DDX60L: variants seen among roughly 807,000 people sequenced by gnomAD.
The protein encoded by DDX60L is DExD/H-box 60 like.
In DDX60L, 191 loss-of-function variants were observed where a neutral mutation model predicts 211.6. That is an observed-to-expected ratio of 0.90 (90% CI 0.80 to 1.02). The LOEUF (loss-of-function observed/expected upper bound fraction) is 1.02. Among genes scored for constraint, DDX60L ranks in the 50% least tolerant of loss-of-function variants. The probability of loss-of-function intolerance (pLI) is 0.00; values close to 1 mark genes in which losing one functional copy is unlikely to be tolerated. For synonymous variants in DDX60L, 706 were observed against 694.1 expected, an observed-to-expected ratio of 1.02 and a Z score of -0.27; for missense variants, 2,007 against 1,984.1, an observed-to-expected ratio of 1.01 and a Z score of -0.22.
intron 13 of DDX60L, among the ~76,000 whole-genome samples, chr4:168,428,012 A>T (rs574547617): frequency 6.6e-6 from 1 of 152,380 alleles, no homozygotes; most frequent in South Asian, 2.1e-4. Flanking sequence ...AGAGGTGCAC[A>T]GCCTGGGCCC....
intron 22 of DDX60L, among the ~76,000 whole-genome samples, chr4:168,409,930 G>C (rs879933262): frequency 2.7e-4 from 41 of 152,212 alleles, no homozygotes; most frequent in Non-Finnish European, 5.1e-4. Context: ...TTATAAAGAT[G>C]TTGTGAAGGT....
chr4:168,396,190 C>T, intron 26 of DDX60L, 66 bp from the exon 27 acceptor site: 1 of 970,010 alleles, frequency 1.0e-6, no homozygotes, highest in Non-Finnish European at 1.5e-6. Flanking sequence ...CTGCAAGAAG[C>T]CTAAGGCCCC....
intron 26 of DDX60L, among the ~76,000 whole-genome samples, chr4:168,399,748 GTCAGAATTA>G (rs1746463658): frequency 1.3e-5 from 2 of 152,244 alleles, no homozygotes; most frequent in South Asian, 4.2e-4. Flanking sequence ...CCATGGAACT[GTCAGAATTA>G]ATCAGACCTT....
In DDX60L at chr4:168,471,893, CA is replaced by C; in HGVS notation, c.117del (p.Phe39LeufsTer2). 3 of 1,608,256 alleles carry C rather than the reference CA, an allele frequency of 1.9e-6. No individual in the cohort carries two copies. Among genetic ancestry groups the C allele is most frequent in the South Asian group, 1.1e-5 (1 of 89,722 alleles). On this transcript the variant is annotated frameshift_variant, in exon 4 of 38. Coordinates refer to ENST00000682922, the MANE Select transcript of DDX60L (RefSeq NM_001012967.3). LOFTEE classifies it high-confidence loss of function. ...ILNDFVESNF[F>X]VIDGDSLLVT... ...ACAAGCAAGGAATCTCCATCAATCA[CA>C]AAAAAATTAGATTCCACAAAATCAT...
chr4:168,397,864 C>T (rs562836445), intron 26 of DDX60L, among the ~76,000 whole-genome samples: 5 of 152,268 alleles, frequency 3.3e-5, no homozygotes, highest in South Asian at 2.1e-4. Context: ...GGGTGGGAGA[C>T]GCCTTCCCCA....
At position 168,391,631 on chromosome 4, in the gene DDX60L, G is replaced by A; in HGVS notation, c.3824C>T (p.Thr1275Ile). The A allele has an allele frequency of 1.3e-6, 2 of 1,510,326 alleles. No homozygotes were observed. Among genetic ancestry groups the A allele is most frequent in the African/African-American group, 1.4e-5 (1 of 70,914 alleles). 93.6% of individuals were successfully genotyped at this position (1,510,326 alleles called of 1,614,324 possible). The change falls in exon 29 of 38, where the codon ACT (threonine) becomes ATT (isoleucine). Residue 1275 changes from threonine to isoleucine, a missense_variant. Physicochemically the swap from Thr to Ile is moderately conservative, Grantham distance 89. Coordinates refer to ENST00000682922, the MANE Select transcript of DDX60L (RefSeq NM_001012967.3). ...GTGGATCCCTAAGGCAAGTGTTTCA[G>A]TAGCTGTCACTACCTAGGAAAAAAA... ...VKGLIRVVTATETLALGIHMP... is the reference protein window; with the variant it reads ...VKGLIRVVTAIETLALGIHMP...
chr4:168,358,110 A>C lies in DDX60L; in HGVS notation c.*37T>G. 1 of 1,575,024 alleles carries C rather than the reference A, an allele frequency of 6.3e-7. No individual in the cohort carries two copies. ...TTATATCTCTCCTTGCAAAGGGATA[A>C]ATACCACATAATCAGACTTGAAAGT... On this transcript the variant is annotated 3_prime_UTR_variant, in exon 38 of 38. Coordinates refer to ENST00000682922, the MANE Select transcript of DDX60L (RefSeq NM_001012967.3).
chr4:168,422,690 T>C lies in DDX60L; in HGVS notation c.2098-20A>G. The C allele has an allele frequency of 6.6e-7, 1 of 1,512,278 alleles. No homozygotes were observed. The highest frequency in any genetic ancestry group is 2.1e-5 in the Admixed American group (1 of 48,706). The allele number at this position is 1,512,278 out of a possible 1,614,324, so 93.7% of individuals were successfully genotyped here. A position where few individuals can be genotyped will look rare whatever the true frequency, so the allele number is the denominator to read the frequency against. ...TCCTATCTGTTATTTTAATATATTATTTGAAATCAACTTAAACTTCAAAAT... is the reference window on the plus strand; with the variant it reads ...TCCTATCTGTTATTTTAATATATTACTTGAAATCAACTTAAACTTCAAAAT... On this transcript the variant is annotated intron_variant, in intron 15 of 37. Transcript: ENST00000682922.
intron 1 of DDX60L, among the ~76,000 whole-genome samples, chr4:168,477,877 G>A (rs866069750): frequency 1.3e-5 from 2 of 152,204 alleles, no homozygotes; most frequent in Non-Finnish European, 2.9e-5. Context: ...GACCAAGGAA[G>A]AATGGGAAAG....
At position 168,430,634 on chromosome 4, in the gene DDX60L, T is replaced by C; in HGVS notation, c.1521A>G (p.Gln507=). 1.3e-6 allele frequency: 2 copies of C among 1,544,804 alleles called. No individual in the cohort carries two copies. Among genetic ancestry groups the C allele is most frequent in the South Asian group, 1.2e-5 (1 of 80,976 alleles). The change falls in exon 13 of 38, where the codon CAA becomes CAG. Residue 507 remains glutamine, a synonymous_variant. Transcript: ENST00000682922. ...YDRIKCHVDE[Q]SRDPHVLDFL... ...AATCAAGAACATGAGGATCTCTAGA[T>C]TGTTCTGAAATAGAAAGACTTAAAA... is the stretch of plus-strand genomic sequence containing the variant.
At chr4:168,453,346 G>C in intron 7 of DDX60L, 64 bp from the exon 8 acceptor site, 1 of 1,494,862 alleles carries the variant, frequency 6.7e-7, no homozygotes, top group Non-Finnish European at 9.1e-7. Context: ...ATTGAAATAG[G>C]CACTCCACGA....
intron 15 of DDX60L, 105 bp from the exon 16 acceptor site, chr4:168,422,775 C>T: frequency 1.1e-6 from 1 of 903,192 alleles, no homozygotes; most frequent in South Asian, 1.8e-5. Context: ...ATTTTTACTA[C>T]ACTTTTTTTT....
chr4:168,418,363 C>T (rs1749929510), intron 19 of DDX60L, among the ~76,000 whole-genome samples: 2 of 152,178 alleles, frequency 1.3e-5, no homozygotes, highest in South Asian at 2.1e-4. Context: ...CCACCACACC[C>T]GGCCTCATTA....
At chr4:168,464,267 C>T (rs766311907) in intron 4 of DDX60L, among the ~76,000 whole-genome samples, 5 of 151,968 alleles carry the variant, frequency 3.3e-5, no homozygotes, top group Non-Finnish European at 7.4e-5. Context: ...ATGTATTGGA[C>T]GTCAAAACAA....
chr4:168,401,315 T>C (rs1227576605), intron 25 of DDX60L, among the ~76,000 whole-genome samples: 1 of 152,262 alleles, frequency 6.6e-6, no homozygotes, highest in East Asian at 1.9e-4. Flanking sequence ...CATCCCTTTC[T>C]GTTGATAACT....
Position 168,375,446 on chromosome 4 carries a change from A to T in DDX60L, c.4564T>A (p.Ser1522Thr), listed in dbSNP as rs1400882282. 6.2e-7 allele frequency: 1 copy of T among 1,612,998 alleles called. No homozygotes were observed. Among genetic ancestry groups the T allele is most frequent in the Non-Finnish European group, 8.5e-7 (1 of 1,179,452 alleles). The change falls in exon 34 of 38, where the codon TCC becomes ACC. Residue 1522 changes from serine (S) to threonine (T), a missense_variant. By Grantham distance (58) the Ser-to-Thr change is moderately conservative. Coordinates refer to ENST00000682922, the MANE Select transcript of DDX60L (RefSeq NM_001012967.3). ...YNLAVMKDFA[S>T]FLLIASKSVN... ...GACTTGGAAGCAATCAGCAGGAAGG[A>T]GGCAAAATCCTTCATTACTGCCAGG...
intron 8 of DDX60L, among the ~76,000 whole-genome samples, chr4:168,449,226 T>C (rs1379185339): frequency 2.0e-5 from 3 of 152,048 alleles, no homozygotes; most frequent in South Asian, 2.1e-4. Flanking sequence ...TTTTCCATCT[T>C]CTTTAGCCAA....
Position 168,457,932 on chromosome 4 carries a change from G to A in DDX60L, c.683C>T (p.Thr228Ile), listed in dbSNP as rs774068998. The A allele has an allele frequency of 2.6e-6, 4 of 1,566,936 alleles. No homozygotes were observed. The highest frequency in any genetic ancestry group is 2.3e-5 in the East Asian group (1 of 43,546). The change falls in exon 6 of 38, where the codon ACT becomes ATT. Residue 228 changes from threonine to isoleucine, a missense_variant. Transcript: ENST00000682922. ...ATTCCATTTCAAATGTTCAAAATGA[G>A]TTGCTAATACTAAAACCCTTATTTC... ...LEEIRVLVLA[T>I]HFEHLKWNDM...
chr4:168,466,438 T>C (rs1328366429), intron 4 of DDX60L, among the ~76,000 whole-genome samples: 6 of 152,306 alleles, frequency 3.9e-5, no homozygotes, highest in South Asian at 2.1e-4. Context: ...TTTCACACAT[T>C]TTTTAAAAAG....
Sources: allele counts gnomAD v4.1 joint callset (sites outside exome capture counted in the v4.1 genomes callset), GRCh38; gene constraint gnomAD v4.1.1; transcripts MANE v1.5; gene names NCBI Gene and HGNC (gene_info 2026-07-23, HGNC 2026-07-21).